MACROD2: variants seen among roughly 807,000 people sequenced by gnomAD.
MACROD2 encodes mono-ADP ribosylhydrolase 2.
A neutral mutation model predicts 70.4 loss-of-function variants in MACROD2; 36 were observed. That is an observed-to-expected ratio of 0.51 (90% confidence interval 0.39 to 0.68). The LOEUF (loss-of-function observed/expected upper bound fraction) is 0.68, where lower values mean the gene tolerates loss of function less well. MACROD2 is among the 30% of genes least tolerant of loss of function. The pLI is 0.00. For missense variants in MACROD2, 496 were observed against 538.4 expected, an observed-to-expected ratio of 0.92 and a Z score of 0.78; for synonymous variants, 172 against 178.8, an observed-to-expected ratio of 0.96 and a Z score of 0.30.
intron 3 of MACROD2, among the ~76,000 whole-genome samples, chr20:14,154,573 T>C (rs1333977729): frequency 3.7e-5 from 2 of 54,490 alleles, no homozygotes; most frequent in Non-Finnish European, 7.7e-5. Flanking sequence ...TTTTTTTTTT[T>C]TTTTTTTTTT....
chr20:15,294,110 A>G, intron 6 of MACROD2, among the ~76,000 whole-genome samples: 1 of 145,886 alleles, frequency 6.9e-6, no homozygotes, highest in African/African-American at 2.5e-5. Flanking sequence ...GACAAGAGCA[A>G]AACTCTGTCT....
chr20:14,097,366 G>C (rs1476267049), intron 3 of MACROD2, among the ~76,000 whole-genome samples: 1 of 152,160 alleles, frequency 6.6e-6, no homozygotes, highest in Non-Finnish European at 1.5e-5. Flanking sequence ...TAGATTGCAG[G>C]CTGTGTTATG....
At chr20:14,671,495 T>G (rs2070794122) in intron 4 of MACROD2, among the ~76,000 whole-genome samples, 1 of 152,182 alleles carries the variant, frequency 6.6e-6, no homozygotes, top group African/African-American at 2.4e-5. Context: ...TTCTTGGGTA[T>G]CTGCATATTA....
intron 3 of MACROD2, among the ~76,000 whole-genome samples, chr20:14,090,527 T>A (rs1337017032): frequency 1.3e-5 from 2 of 150,584 alleles, no homozygotes. Context: ...GAGCCGAGAT[T>A]GCACCATTGC....
At chr20:15,943,026 T>C (rs1239873312) in intron 12 of MACROD2, among the ~76,000 whole-genome samples, 1 of 152,196 alleles carries the variant, frequency 6.6e-6, no homozygotes, top group African/African-American at 2.4e-5. Flanking sequence ...TGAAATGGGA[T>C]GTCACCTGGC....
intron 6 of MACROD2, among the ~76,000 whole-genome samples, chr20:15,298,932 A>C (rs2077616467): frequency 6.6e-6 from 1 of 152,214 alleles, no homozygotes; most frequent in African/African-American, 2.4e-5. Context: ...CCCAGGTCAC[A>C]AAGCTATTAA....
chr20:14,288,934 C>T (rs916194772), intron 3 of MACROD2, among the ~76,000 whole-genome samples: 1 of 152,184 alleles, frequency 6.6e-6, no homozygotes, highest in Non-Finnish European at 1.5e-5. Flanking sequence ...CAGACTTTAC[C>T]TGACCCTTGA....
intron 8 of MACROD2, among the ~76,000 whole-genome samples, chr20:15,568,574 C>T (rs894812157): frequency 1.2e-4 from 18 of 152,170 alleles, no homozygotes; most frequent in South Asian, 8.3e-4. Context: ...AGTAGCAGGG[C>T]ACATCAGTTT....
At chr20:15,069,669 C>T (rs951016075) in intron 5 of MACROD2, among the ~76,000 whole-genome samples, 1 of 152,030 alleles carries the variant, frequency 6.6e-6, no homozygotes, top group Non-Finnish European at 1.5e-5. Context: ...GTGGAGAGCA[C>T]AAGCCATAAG....
chr20:14,920,592 A>C (rs1481252544), intron 5 of MACROD2, among the ~76,000 whole-genome samples: 1 of 152,190 alleles, frequency 6.6e-6, no homozygotes, highest in African/African-American at 2.4e-5. Flanking sequence ...CAAGGTATTT[A>C]TAGATATATC....
In MACROD2 at chr20:15,993,233, A is replaced by AGTGTGTGT. The variant is rs11468964; in HGVS notation, c.1153+6104_1153+6111dup. 6.7e-4 allele frequency among the ~76,000 whole-genome samples: 97 copies of AGTGTGTGT among 144,090 alleles called. 1 individual carries two copies. The highest frequency in any genetic ancestry group is 2.2e-3 in the African/African-American group (85 of 39,528). The allele number at this position is 144,090 out of a possible 152,430, so 94.5% of individuals were successfully genotyped here. ...AACTGGTTCAAAGGAGAATTTGAAG[A>AGTGTGTGT]GTGTGTGTGTGTGTGTGTGTGTGTG... On this transcript the variant is annotated intron_variant, in intron 15 of 17. Coordinates refer to ENST00000684519, the MANE Select transcript of MACROD2 (RefSeq NM_001351661.2).
At chr20:14,901,874 C>G (rs974632198) in intron 5 of MACROD2, among the ~76,000 whole-genome samples, 1 of 151,978 alleles carries the variant, frequency 6.6e-6, no homozygotes, top group Non-Finnish European at 1.5e-5. Context: ...TTGCTTTTTG[C>G]TTTATTTGAC....
At chr20:14,050,159 A>G (rs2053545025) in intron 2 of MACROD2, among the ~76,000 whole-genome samples, 1 of 151,422 alleles carries the variant, frequency 6.6e-6, no homozygotes, top group African/African-American at 2.4e-5. Flanking sequence ...CCTCATTCAT[A>G]CTGAATGATC....
intron 6 of MACROD2, among the ~76,000 whole-genome samples, chr20:15,286,801 T>C (rs1304230771): frequency 6.6e-6 from 1 of 152,192 alleles, no homozygotes. Flanking sequence ...GAGTACTGAA[T>C]CTGCAGTATT....
intron 3 of MACROD2, among the ~76,000 whole-genome samples, chr20:14,382,330 G>A (rs2083429856): frequency 2.9e-5 from 4 of 138,462 alleles, no homozygotes; most frequent in Admixed American, 2.8e-4. Context: ...AAAGTGCTGG[G>A]ATTATAGGCG....
intron 4 of MACROD2, among the ~76,000 whole-genome samples, chr20:14,541,732 A>G (rs937309378): frequency 2.6e-5 from 4 of 152,170 alleles, no homozygotes; most frequent in Non-Finnish European, 5.9e-5. Context: ...CCTGAGGAGA[A>G]AGAGACGTAT....
chr20:15,521,659 T>G (rs528888673), intron 8 of MACROD2, among the ~76,000 whole-genome samples: 11 of 152,328 alleles, frequency 7.2e-5, no homozygotes, highest in African/African-American at 2.6e-4. Flanking sequence ...CTGCCACCTC[T>G]TGGGTAGTCC....
At chr20:15,159,202 A>C (rs984859409) in intron 5 of MACROD2, among the ~76,000 whole-genome samples, 3 of 152,152 alleles carry the variant, frequency 2.0e-5, no homozygotes, top group African/African-American at 7.2e-5. Context: ...TTCATAAAAC[A>C]AAAAGGGTAA....
At chr20:14,171,259 A>G (rs918022570) in intron 3 of MACROD2, among the ~76,000 whole-genome samples, 3 of 152,102 alleles carry the variant, frequency 2.0e-5, no homozygotes, top group African/African-American at 4.8e-5. Context: ...CACTAACGTT[A>G]TTAAGTTTGT....
Sources: gnomAD v4.1 joint callset for allele counts (sites outside exome capture counted in the v4.1 genomes callset) on GRCh38, gnomAD v4.1.1 for gene constraint, MANE v1.5 for transcripts, NCBI Gene and HGNC (gene_info 2026-07-23, HGNC 2026-07-21) for gene names.